CTNNA3: variants seen among roughly 807,000 people sequenced by gnomAD.
CTNNA3 encodes the protein catenin alpha-3.
Under a neutral mutation model 95.7 loss-of-function variants are expected in CTNNA3, and 76 were observed. The ratio of observed to expected loss-of-function variants is 0.79; its 90% CI spans 0.66 to 0.96. CTNNA3 has a LOEUF of 0.96. CTNNA3 is among the 40% of genes least tolerant of loss of function. CTNNA3 has a pLI of 0.00. For missense variants in CTNNA3, 1,191 were observed against 1,089.8 expected, an observed-to-expected ratio of 1.09 and a Z score of -1.31; for synonymous variants, 431 against 374.4, an observed-to-expected ratio of 1.15 and a Z score of -1.74.
At chr10:66,890,230 C>T (rs1315411735) in intron 7 of CTNNA3, among the ~76,000 whole-genome samples, 2 of 152,186 alleles carry the variant, frequency 1.3e-5, no homozygotes, top group African/African-American at 4.8e-5. Context: ...GGGTTGAAGG[C>T]TTGGCAGTTA....
chr10:67,452,436 A>C (rs1396369228), intron 5 of CTNNA3, among the ~76,000 whole-genome samples: 1 of 152,212 alleles, frequency 6.6e-6, no homozygotes, highest in East Asian at 1.9e-4. Context: ...ATTTAAATTA[A>C]ATAGTATTTA....
chr10:67,588,229 A>G (rs534764641), intron 3 of CTNNA3, among the ~76,000 whole-genome samples: 2 of 61,104 alleles, frequency 3.3e-5, no homozygotes, highest in African/African-American at 5.5e-4. Flanking sequence ...GATCTATCTT[A>G]TTATTAATTA....
At chr10:66,616,634 G>A (rs1312549051) in intron 10 of CTNNA3, among the ~76,000 whole-genome samples, 3 of 152,052 alleles carry the variant, frequency 2.0e-5, no homozygotes, top group Admixed American at 6.6e-5. Flanking sequence ...GCTTTACAGT[G>A]TGGTCCTTTG....
rs528214324 is a variant in CTNNA3, at chr10:66,986,289, C to T, written c.1047+194028G>A. The stretch of plus-strand genomic sequence containing the variant: ...GAGGCAGGCAGTTCACTTGAGGCCA[C>T]GAGTTCCAGACAGCCTGGGCAACAT... On this transcript the variant is annotated intron_variant, in intron 7 of 17. Coordinates refer to ENST00000433211, the MANE Select transcript of CTNNA3 (RefSeq NM_013266.4). 1.8e-4 allele frequency among the ~76,000 whole-genome samples: 27 copies of T among 152,032 alleles called. 1 individual carries two copies. The South Asian group carries it at 4.8e-3, about 27-fold the overall frequency.
chr10:66,722,482 A>T (rs897434303), intron 9 of CTNNA3, among the ~76,000 whole-genome samples: 4 of 152,088 alleles, frequency 2.6e-5, no homozygotes, highest in African/African-American at 9.7e-5. Flanking sequence ...GAGTGTAAGT[A>T]AACCTACAAG....
intron 10 of CTNNA3, among the ~76,000 whole-genome samples, chr10:66,588,640 C>A (rs1843441644): frequency 6.6e-6 from 1 of 152,080 alleles, no homozygotes; most frequent in African/African-American, 2.4e-5. Flanking sequence ...TTAGCATATC[C>A]ACTCTATTTC....
chr10:66,383,644 T>C (rs1036464879), intron 11 of CTNNA3, among the ~76,000 whole-genome samples: 4 of 152,068 alleles, frequency 2.6e-5, no homozygotes, highest in African/African-American at 9.7e-5. Context: ...CACATGATTG[T>C]CAGATTCACC....
At chr10:66,401,070 G>T (rs895675171) in intron 11 of CTNNA3, among the ~76,000 whole-genome samples, 2 of 152,056 alleles carry the variant, frequency 1.3e-5, no homozygotes, top group African/African-American at 4.8e-5. Flanking sequence ...TGGCCTTATT[G>T]TTGTTTGACT....
At chr10:66,452,505 C>T (rs7100872) in intron 11 of CTNNA3, among the ~76,000 whole-genome samples, 58,051 of 151,840 alleles carry the variant, frequency 0.38, 11,650 homozygotes, top group African/African-American at 0.5. Flanking sequence ...ACGGGAGAAA[C>T]TTAGTTTATG....
chr10:67,439,962 G>A (rs950001056), intron 5 of CTNNA3, among the ~76,000 whole-genome samples: 1 of 152,170 alleles, frequency 6.6e-6, no homozygotes, highest in Non-Finnish European at 1.5e-5. Flanking sequence ...ATGGGGAAAC[G>A]TAAAGGGGGC....
At chr10:66,570,192 C>G (rs1589435230) in intron 10 of CTNNA3, among the ~76,000 whole-genome samples, 1 of 152,144 alleles carries the variant, frequency 6.6e-6, no homozygotes, top group Non-Finnish European at 1.5e-5. Context: ...CAGTGTCTCT[C>G]CACATTACCC....
chr10:66,287,853 G>T (rs2091615806), intron 12 of CTNNA3, among the ~76,000 whole-genome samples: 1 of 152,042 alleles, frequency 6.6e-6, no homozygotes, highest in South Asian at 2.1e-4. Flanking sequence ...AAAACAAGAG[G>T]TGAATCCAAA....
At position 66,970,508 on chromosome 10, in the gene CTNNA3, G is replaced by A. The variant is rs1055645953; in HGVS notation, c.1048-194984C>T. 2.1e-5 allele frequency among the ~76,000 whole-genome samples: 3 copies of A among 140,022 alleles called. No individual in the cohort carries two copies. In the Admixed American group the frequency reaches 2.2e-4, roughly 10 times the overall value. The allele number at this position is 140,022 out of a possible 152,430, so 91.9% of individuals were successfully genotyped here. ...AAAGGTCTATATTCTTGGGTGGGGG[G>A]GGGATACAATTCTTCTATTAGGGAA... On this transcript the variant is annotated intron_variant, in intron 7 of 17. Transcript: ENST00000433211.
intron 14 of CTNNA3, among the ~76,000 whole-genome samples, chr10:66,095,731 A>G (rs1464794920): frequency 6.6e-6 from 1 of 152,094 alleles, no homozygotes; most frequent in Non-Finnish European, 1.5e-5. Context: ...CATCGCAAGT[A>G]TTTTAAGATT....
At chr10:66,671,793 C>G (rs1846669886) in intron 9 of CTNNA3, among the ~76,000 whole-genome samples, 1 of 152,136 alleles carries the variant, frequency 6.6e-6, no homozygotes. Context: ...AATTATTCAG[C>G]CTCTCTATGC....
At chr10:67,037,279 A>G (rs2133131145) in intron 7 of CTNNA3, among the ~76,000 whole-genome samples, 1 of 152,218 alleles carries the variant, frequency 6.6e-6, no homozygotes, top group African/African-American at 2.4e-5. Context: ...CATTTAGTTT[A>G]ATGCCATCCT....
At chr10:66,023,260 A>C (rs1372497245) in intron 15 of CTNNA3, among the ~76,000 whole-genome samples, 1 of 152,228 alleles carries the variant, frequency 6.6e-6, no homozygotes, top group African/African-American at 2.4e-5. Flanking sequence ...AGTTCGTGGA[A>C]TTGCAATGTT....
At chr10:66,388,688 C>T (rs557162083) in intron 11 of CTNNA3, among the ~76,000 whole-genome samples, 21 of 151,768 alleles carry the variant, frequency 1.4e-4, no homozygotes, top group Non-Finnish European at 1.0e-4. Flanking sequence ...AATAAAATAA[C>T]GAAAAGAAGC....
At chr10:67,438,255 G>C (rs1445216894) in intron 5 of CTNNA3, among the ~76,000 whole-genome samples, 2 of 152,066 alleles carry the variant, frequency 1.3e-5, no homozygotes, top group Non-Finnish European at 2.9e-5. Flanking sequence ...AAGAGGCAAG[G>C]CTGCCAAAAC....
Sources: gnomAD v4.1 joint callset for allele counts (sites outside exome capture counted in the v4.1 genomes callset) on GRCh38, gnomAD v4.1.1 for gene constraint, MANE v1.5 for transcripts, NCBI Gene and HGNC (gene_info 2026-07-23, HGNC 2026-07-21) for gene names.